EHMT1: variants seen among roughly 807,000 people sequenced by gnomAD.
EHMT1 encodes euchromatic histone lysine methyltransferase 1, also known as histone-lysine N-methyltransferase EHMT1.
EHMT1 carries 15 observed loss-of-function variants against 147.2 expected under a neutral mutation model. That is an observed-to-expected ratio of 0.10 (90% CI 0.07 to 0.16). The LOEUF is 0.16. EHMT1 is among the 10% of genes least tolerant of loss of function. The pLI is 1.00. For missense variants in EHMT1, 1,587 were observed against 1,772.4 expected, an observed-to-expected ratio of 0.90 and a Z score of 1.88; for synonymous variants, 795 against 709.6, an observed-to-expected ratio of 1.12 and a Z score of -1.91.
chr9:137,720,490 A>G (rs561284233), intron 3 of EHMT1, among the ~76,000 whole-genome samples: 1 of 152,034 alleles, frequency 6.6e-6, no homozygotes, highest in African/African-American at 2.4e-5. Context: ...TTTTGTAGAC[A>G]AGGGATATTG....
rs1403435360 is a variant in EHMT1, at chr9:137,809,850, TC to T, written c.2713-1609del. 1.7e-3 allele frequency among the ~76,000 whole-genome samples: 251 copies of T among 151,960 alleles called. 61 individuals carry two copies. The highest frequency in any genetic ancestry group is 5.7e-3 in the African/African-American group (235 of 41,322). ...TGTGGGGGAAGGGTCCGGAGGCGGT[TC>T]CGATGCCGCCCTGTGTGGACCGTCG... On this transcript the variant is annotated intron_variant, in intron 18 of 26. Coordinates refer to ENST00000460843, the MANE Select transcript of EHMT1 (RefSeq NM_024757.5).
At chr9:137,687,235 T>G (rs915964349) in intron 1 of EHMT1, among the ~76,000 whole-genome samples, 2 of 152,198 alleles carry the variant, frequency 1.3e-5, no homozygotes, top group Admixed American at 1.3e-4. Context: ...TAGCTGTGTA[T>G]TAAATGGGAA....
chr9:137,716,560 G>GTGGTGTCATGGTGGGGGAGGAAGTT, intron 2 of EHMT1, 66 bp from the exon 3 acceptor site: 3 of 1,278,056 alleles, frequency 2.3e-6, no homozygotes, highest in Non-Finnish European at 3.2e-6. Flanking sequence ...GGGAGGAAGT[G>GTGGTGTCATGGTGGGGGAGGAAGTT]GTGGTGGTGG....
intron 1 of EHMT1, among the ~76,000 whole-genome samples, chr9:137,687,668 C>T (rs562315226): frequency 3.9e-5 from 6 of 152,164 alleles, no homozygotes; most frequent in African/African-American, 1.2e-4. Context: ...GACTCCTACC[C>T]GTCACGCGAG....
At chr9:137,808,051 T>C (rs1954097465) in intron 18 of EHMT1, among the ~76,000 whole-genome samples, 1 of 152,184 alleles carries the variant, frequency 6.6e-6, no homozygotes, top group Admixed American at 6.5e-5. Context: ...AGCAGTCAGA[T>C]CATGTTGGAT....
At chr9:137,758,460 T>C (rs1949552443) in intron 9 of EHMT1, among the ~76,000 whole-genome samples, 1 of 152,244 alleles carries the variant, frequency 6.6e-6, no homozygotes, top group South Asian at 2.1e-4. Flanking sequence ...TAGTGTATTT[T>C]TGTACCTCTA....
At chr9:137,680,052 G>C (rs777366798) in intron 1 of EHMT1, among the ~76,000 whole-genome samples, 1 of 152,096 alleles carries the variant, frequency 6.6e-6, no homozygotes, top group Non-Finnish European at 1.5e-5. Flanking sequence ...CGTTGTATCT[G>C]TATCTTGTAT....
intron 1 of EHMT1, among the ~76,000 whole-genome samples, chr9:137,643,404 C>G (rs1486668792): frequency 6.8e-6 from 1 of 147,466 alleles, no homozygotes; most frequent in Non-Finnish European, 1.5e-5. Context: ...GCAGTGGTGC[C>G]ATCTCGGCTC....
intron 2 of EHMT1, among the ~76,000 whole-genome samples, chr9:137,711,758 G>A (rs551873337): frequency 1.4e-4 from 21 of 152,234 alleles, no homozygotes; most frequent in Admixed American, 2.6e-4. Context: ...GGCAGGTGGC[G>A]CCAGACGAGC....
intron 1 of EHMT1, among the ~76,000 whole-genome samples, chr9:137,635,775 G>C (rs1358152341): frequency 2.0e-5 from 3 of 151,298 alleles, no homozygotes; most frequent in Admixed American, 6.6e-5. Flanking sequence ...AGCTGAGATG[G>C]TGCCACTGCT....
chr9:137,636,728 C>CT (rs1205744549), intron 1 of EHMT1, among the ~76,000 whole-genome samples: 1 of 152,030 alleles, frequency 6.6e-6, no homozygotes, highest in African/African-American at 2.4e-5. Context: ...CGTTTCTGCC[C>CT]TAAATCCATT....
chr9:137,757,773 T>G, intron 8 of EHMT1, 107 bp from the exon 9 acceptor site: 1 of 1,535,870 alleles, frequency 6.5e-7, no homozygotes, highest in Admixed American at 1.7e-5. Flanking sequence ...AATGGATTAA[T>G]TAGAAGTAGT....
In EHMT1 at chr9:137,835,562, C is replaced by T. The variant is rs759014336; in HGVS notation, c.*609C>T. ...CCTATATCTAGTCCTATATATCAAACCTCTAACTGACGTTTCTTTTCGAGG... is the reference window on the plus strand; with the variant it reads ...CCTATATCTAGTCCTATATATCAAATCTCTAACTGACGTTTCTTTTCGAGG... On this transcript the variant is annotated 3_prime_UTR_variant, in exon 27 of 27. Coordinates refer to ENST00000460843, the MANE Select transcript of EHMT1 (RefSeq NM_024757.5). 2.6e-5 allele frequency: 4 copies of T among 152,564 alleles called. No homozygotes were observed. Among genetic ancestry groups the T allele is most frequent in the African/African-American group, 4.8e-5 (2 of 41,440 alleles). The allele number at this position is 152,564 out of a possible 1,614,324, so 9.5% of individuals were successfully genotyped here.
intron 16 of EHMT1, among the ~76,000 whole-genome samples, chr9:137,791,496 G>A (rs962155612): frequency 1.3e-5 from 2 of 152,046 alleles, no homozygotes; most frequent in African/African-American, 2.4e-5. Flanking sequence ...TTAAGAAAAC[G>A]GTTTCATTTA....
chr9:137,774,005 G>C (rs907580278), intron 10 of EHMT1, among the ~76,000 whole-genome samples: 2 of 152,160 alleles, frequency 1.3e-5, no homozygotes, highest in Non-Finnish European at 2.9e-5. Flanking sequence ...GCGCCTTCAA[G>C]TCCTGGTCCT....
intron 1 of EHMT1, among the ~76,000 whole-genome samples, chr9:137,699,600 A>T (rs575536132): frequency 6.6e-6 from 1 of 152,042 alleles, no homozygotes; most frequent in South Asian, 2.1e-4. Context: ...GCTTGAGCCC[A>T]GGAGGCGGAG....
chr9:137,808,921 C>T (rs1954178463), intron 18 of EHMT1, among the ~76,000 whole-genome samples: 1 of 151,706 alleles, frequency 6.6e-6, no homozygotes, highest in Admixed American at 6.6e-5. Flanking sequence ...GAGACTCCGC[C>T]TCTAAAAAAA....
intron 26 of EHMT1, 29 bp from the exon 27 acceptor site, chr9:137,834,744 T>C (rs1283238408): frequency 3.7e-6 from 6 of 1,613,400 alleles, no homozygotes; most frequent in South Asian, 2.2e-5. Context: ...GGGATTCGAC[T>C]TGGAGCCTTG....
At chr9:137,739,541 G>T (rs1049008147) in intron 4 of EHMT1, among the ~76,000 whole-genome samples, 1 of 151,938 alleles carries the variant, frequency 6.6e-6, no homozygotes, top group Non-Finnish European at 1.5e-5. Flanking sequence ...TCACACTTGG[G>T]TAGAAGCTGC....
Sources: allele counts gnomAD v4.1 joint callset (sites outside exome capture counted in the v4.1 genomes callset), GRCh38; gene constraint gnomAD v4.1.1; transcripts MANE v1.5; gene names NCBI Gene and HGNC (gene_info 2026-07-23, HGNC 2026-07-21).